The following FKTN variants were observed in gnomAD, a reference collection of about 807,000 sequenced individuals.
FKTN encodes the protein ribitol-5-phosphate transferase FKTN.
In FKTN, 47 loss-of-function variants were observed where a neutral mutation model predicts 58.6. The observed-to-expected ratio is 0.80, with a 90% CI of 0.63 to 1.02. The LOEUF is 1.02. FKTN is among the 50% of genes least tolerant of loss of function. FKTN has a pLI of 0.00. For missense variants in FKTN, 516 were observed against 537.3 expected (o/e 0.96, Z 0.39); for synonymous variants, 178 against 191.9 (o/e 0.93, Z 0.60).
chr9:105,633,696 A>C (rs1285322034), intron 10 of FKTN, among the ~76,000 whole-genome samples: 3 of 152,218 alleles, frequency 2.0e-5, no homozygotes, highest in Non-Finnish European at 4.4e-5. Context: ...ACTGGGTTTG[A>C]GTAAAAGGGA....
intron 1 of FKTN, among the ~76,000 whole-genome samples, chr9:105,563,721 T>TG (rs1838793808): frequency 6.6e-6 from 1 of 152,138 alleles, no homozygotes; most frequent in Non-Finnish European, 1.5e-5. Context: ...ACTTCACCTC[T>TG]GGGGGCAGGG....
intron 3 of FKTN, among the ~76,000 whole-genome samples, chr9:105,582,960 G>A (rs1030977607): frequency 6.6e-6 from 1 of 152,118 alleles, no homozygotes; most frequent in African/African-American, 2.4e-5. Context: ...AATTCTCTTG[G>A]TATTTCCTGT....
At chr9:105,591,914 A>C (rs1417094081) in intron 3 of FKTN, among the ~76,000 whole-genome samples, 2 of 152,178 alleles carry the variant, frequency 1.3e-5, no homozygotes, top group East Asian at 3.9e-4. Context: ...TACAGCTTGC[A>C]CCCTCTGAAG....
intron 4 of FKTN, among the ~76,000 whole-genome samples, chr9:105,599,830 A>T (rs1827544211): frequency 6.6e-6 from 1 of 152,092 alleles, no homozygotes; most frequent in African/African-American, 2.4e-5. Context: ...TTAAAATCAG[A>T]TAGGAAGTAT....
At chr9:105,563,600 G>T (rs532188132) in intron 1 of FKTN, among the ~76,000 whole-genome samples, 15 of 82,468 alleles carry the variant, frequency 1.8e-4, no homozygotes, top group South Asian at 1.3e-3. Context: ...AGCGAGGCTG[G>T]GGGGGGGGGC....
intron 1 of FKTN, among the ~76,000 whole-genome samples, chr9:105,567,979 G>T (rs1225856821): frequency 6.6e-6 from 1 of 152,074 alleles, no homozygotes; most frequent in Non-Finnish European, 1.5e-5. Context: ...GCCCTCAGAA[G>T]TAATACCACA....
chr9:105,617,891 T>A lies in FKTN; in HGVS notation c.911-68T>A. ...AGAAAAAAAATCCTTGTTACAAATATAATTTGTTATAATAACTAATTTTTT... is the reference window on the plus strand; with the variant it reads ...AGAAAAAAAATCCTTGTTACAAATAAAATTTGTTATAATAACTAATTTTTT... On this transcript the variant is annotated intron_variant, in intron 8 of 10. Coordinates refer to ENST00000357998, the MANE Select transcript of FKTN (RefSeq NM_001079802.2). 9.2e-6 allele frequency: 9 copies of A among 982,868 alleles called. No individual in the cohort carries two copies. The South Asian group carries it at 1.3e-4, about 15-fold the overall frequency. The allele number at this position is 982,868 out of a possible 1,614,324, so 60.9% of individuals were successfully genotyped here.
intron 6 of FKTN, among the ~76,000 whole-genome samples, chr9:105,606,831 G>A (rs1472820916): frequency 2.6e-5 from 4 of 151,410 alleles, no homozygotes; most frequent in South Asian, 4.2e-4. Context: ...ATGAAAAGTC[G>A]GAACTTTTCT....
chr9:105,558,615 G>A (rs1209089705), intron 1 of FKTN, among the ~76,000 whole-genome samples: 2 of 150,970 alleles, frequency 1.3e-5, no homozygotes, highest in Non-Finnish European at 2.9e-5. Flanking sequence ...ATTTCTCTTG[G>A]CTTCAGTTTT....
At chr9:105,576,483 C>A (rs1224407055) in intron 3 of FKTN, among the ~76,000 whole-genome samples, 2 of 150,764 alleles carry the variant, frequency 1.3e-5, no homozygotes, top group South Asian at 2.1e-4. Context: ...CATGTCCCTA[C>A]AAAGGACGTG....
intron 10 of FKTN, among the ~76,000 whole-genome samples, chr9:105,629,351 C>A (rs1833120536): frequency 6.6e-6 from 1 of 152,086 alleles, no homozygotes; most frequent in Admixed American, 6.6e-5. Flanking sequence ...CAGGGCAGAC[C>A]TAATTGCAAT....
At chr9:105,562,642 G>A (rs1838512604) in intron 1 of FKTN, among the ~76,000 whole-genome samples, 1 of 152,104 alleles carries the variant, frequency 6.6e-6, no homozygotes, top group South Asian at 2.1e-4. Context: ...GTTTAGTTTT[G>A]GAAAAGGTTA....
In FKTN at chr9:105,635,714, C is replaced by A. The variant is rs757519031; in HGVS notation, c.*450C>A. On this transcript the variant is annotated 3_prime_UTR_variant, in exon 11 of 11. Coordinates refer to ENST00000357998, the MANE Select transcript of FKTN (RefSeq NM_001079802.2). ...GGGCATTTAAGCTGGTATGTTAGTG[C>A]TACTTTTAAGATTGTGGAGTCTGAG... 2.7e-5 allele frequency: 28 copies of A among 1,034,036 alleles called. No individual in the cohort carries two copies. Among genetic ancestry groups the A allele is most frequent in the Non-Finnish European group, 3.3e-5 (28 of 859,266 alleles). 64.1% of individuals were successfully genotyped at this position (1,034,036 alleles called of 1,614,324 possible).
chr9:105,619,871 AAAAG>A, intron 9 of FKTN, 59 bp from the exon 10 acceptor site: 1 of 1,435,112 alleles, frequency 7.0e-7, no homozygotes, highest in East Asian at 2.4e-5. Flanking sequence ...ATTTTTTAAA[AAAAG>A]GTTTTTAAAA....
intron 7 of FKTN, among the ~76,000 whole-genome samples, chr9:105,609,084 GTTCTT>G (rs1241554250): frequency 7.9e-5 from 12 of 152,292 alleles, no homozygotes; most frequent in Non-Finnish European, 1.5e-4. Flanking sequence ...TAACAGGAGT[GTTCTT>G]TTATTTACCT....
At chr9:105,612,532 T>G (rs1438675554) in intron 7 of FKTN, among the ~76,000 whole-genome samples, 2 of 152,200 alleles carry the variant, frequency 1.3e-5, no homozygotes, top group African/African-American at 4.8e-5. Flanking sequence ...TACATTTAAG[T>G]CTTTAATCTA....
At chr9:105,608,753 A>G (rs1414405758) in intron 7 of FKTN, among the ~76,000 whole-genome samples, 1 of 152,258 alleles carries the variant, frequency 6.6e-6, no homozygotes, top group Non-Finnish European at 1.5e-5. Flanking sequence ...CCTAAAGCTG[A>G]GGCCTGACAG....
intron 1 of FKTN, among the ~76,000 whole-genome samples, chr9:105,560,472 C>T (rs1292565758): frequency 6.6e-6 from 1 of 152,166 alleles, no homozygotes; most frequent in Non-Finnish European, 1.5e-5. Context: ...TCATCTGTTT[C>T]TCCTAGGATA....
intron 10 of FKTN, chr9:105,620,285 T>C (rs942279307): frequency 4.3e-6 from 2 of 466,490 alleles, no homozygotes; most frequent in Non-Finnish European, 7.8e-6. Context: ...TCAGTCCAAG[T>C]TGATGATACA....
Sources: allele counts gnomAD v4.1 joint callset (sites outside exome capture counted in the v4.1 genomes callset), GRCh38; gene constraint gnomAD v4.1.1; transcripts MANE v1.5; gene names NCBI Gene and HGNC (gene_info 2026-07-23, HGNC 2026-07-21).